The following TNS2 variants were observed in gnomAD, a reference collection of about 807,000 sequenced individuals.
TNS2 encodes the protein tensin-2.
A neutral mutation model predicts 155.7 loss-of-function variants in TNS2; 77 were observed. That is an observed-to-expected ratio of 0.49 (90% CI 0.41 to 0.60). TNS2 has a LOEUF of 0.60. Among genes scored for constraint, TNS2 ranks in the 20% least tolerant of loss-of-function variants. The pLI is 0.00. For missense variants in TNS2, 1,703 were observed against 1,868.8 expected (o/e 0.91, Z 1.64); for synonymous variants, 726 against 763.9 (o/e 0.95, Z 0.82).
rs748675062 is a variant in TNS2, at chr12:53,061,858, C to A, written c.3492C>A (p.Ile1164=). 1 of 1,613,704 alleles carries A rather than the reference C, an allele frequency of 6.2e-7. No individual in the cohort carries two copies. The highest frequency in any genetic ancestry group is 1.3e-5 in the African/African-American group (1 of 74,956). ...ACAAGGACCCTGGGGCCTTCCTGAT[C>A]AGGGACAGTCATTCATTCCAAGGAG... ...LKDKDPGAFL[I]RDSHSFQGAY... Residue 1164 remains isoleucine (I), a synonymous_variant, in exon 22 of 29, where the codon ATC becomes ATA. Coordinates refer to ENST00000314250, the MANE Select transcript of TNS2 (RefSeq NM_170754.4).
Position 53,050,254 on chromosome 12 carries a change from A to C in TNS2, c.69A>C (p.Ala23=). ...ALGRRDSSRA[A]SRPRKAEPHS... is the part of the protein sequence containing the mutation. The stretch of plus-strand genomic sequence containing the variant: ...GGAGGAGGGACAGCAGCCGGGCCGC[A>C]AGCAGGGTAGGAGTGCCCACCAGCT... Residue 23 remains alanine (A), a synonymous_variant, in exon 1 of 29, where the codon GCA becomes GCC. Transcript: ENST00000314250. This position sits in a 1 kb window ranked among gnomAD's most constrained non-coding sequence, Gnocchi z 4.7. 1.2e-6 allele frequency: 2 copies of C among 1,607,210 alleles called. No individual in the cohort carries two copies. The highest frequency in any genetic ancestry group is 1.7e-6 in the Non-Finnish European group (2 of 1,177,804).
intron 16 of TNS2, 35 bp from the exon 17 acceptor site, chr12:53,058,679 C>G (rs756668911): frequency 2.5e-6 from 4 of 1,613,892 alleles, no homozygotes; most frequent in African/African-American, 2.7e-5. Flanking sequence ...GGCCGCCTCT[C>G]CCCTGCTCCC....
Position 53,051,948 on chromosome 12 carries a change from G to A in TNS2, c.169G>A (p.Gly57Ser), listed in dbSNP as rs1466809593. ...AVCKVTIDGT[G>S]VSCRVCKVAT... Reference sequence around the variant, plus strand: ...ATGTAAGGTGACCATCGATGGGACAGGCGTTTCGTGCAGAGGTGAGGCTCT... The same window carrying A: ...ATGTAAGGTGACCATCGATGGGACAAGCGTTTCGTGCAGAGGTGAGGCTCT... The change falls in exon 2 of 29, where the codon GGC (glycine) becomes AGC (serine). Residue 57 changes from glycine (G) to serine (S), a missense_variant. Coordinates refer to ENST00000314250, the MANE Select transcript of TNS2 (RefSeq NM_170754.4). 1 of 1,613,292 alleles carries A rather than the reference G, an allele frequency of 6.2e-7. No homozygotes were observed. Among genetic ancestry groups the A allele is most frequent in the Non-Finnish European group, 8.5e-7 (1 of 1,179,638 alleles).
Position 53,060,078 on chromosome 12 carries a change from G to T in TNS2, c.2437G>T (p.Gly813Ter). The change falls in exon 18 of 29, where the codon GGA (glycine) becomes TGA (stop). Residue 813 changes from glycine (G) to a stop codon, truncating the protein, a stop_gained. Transcript: ENST00000314250. LOFTEE classifies it high-confidence loss of function. The surrounding 1 kb of genome is among the most constrained non-coding windows in gnomAD (Gnocchi z 6.1). ...TGTGCCTCATAGCTGTGGCTCTCCA[G>T]GAGAGGGCAGAGGGTATCCCAGCCC... ...GRVPHSCGSP[G>*]EGRGYPSPGA... is the part of the protein sequence containing the mutation. 1.2e-6 allele frequency: 2 copies of T among 1,612,752 alleles called. No individual in the cohort carries two copies. Among genetic ancestry groups the T allele is most frequent in the Non-Finnish European group, 1.7e-6 (2 of 1,179,470 alleles).
rs1474527920 is a variant in TNS2 at position 53,054,270 on chromosome 12, G to A, written c.351G>A (p.Arg117=). Reference sequence around the variant, plus strand: ...TCATGCGTAGGCTCCTCCTCCCCAGGAGCTTCAGCCTGGACCCGCTCATGG... The same window carrying A: ...TCATGCGTAGGCTCCTCCTCCCCAGAAGCTTCAGCCTGGACCCGCTCATGG... The part of the protein sequence containing the change: ...NHSKQRSTLP[R]SFSLDPLMER... The change falls in exon 7 of 29, where the codon AGG becomes AGA. Residue 117 remains arginine (R), a splice_region_variant and synonymous_variant. Transcript: ENST00000314250. The A allele has an allele frequency of 1.9e-6, 3 of 1,612,662 alleles. No individual in the cohort carries two copies. Among genetic ancestry groups the A allele is most frequent in the South Asian group, 1.1e-5 (1 of 91,056 alleles).
intron 10 of TNS2, 79 bp from the exon 11 acceptor site, chr12:53,056,934 C>T: frequency 7.3e-7 from 1 of 1,362,962 alleles, no homozygotes; most frequent in Non-Finnish European, 1.0e-6. Flanking sequence ...TATTTCTCCT[C>T]CATCCCCTGG....
intron 21 of TNS2, 156 bp downstream of exon 21, chr12:53,061,625 G>A: frequency 1.5e-6 from 2 of 1,339,894 alleles, no homozygotes; most frequent in Non-Finnish European, 1.0e-6. Context: ...TGGGCTTTGG[G>A]CCAAGGCGGT....
At chr12:53,062,012 A>C in intron 22 of TNS2, 72 bp downstream of exon 22, 1 of 1,611,086 alleles carries the variant, frequency 6.2e-7, no homozygotes, top group Non-Finnish European at 8.5e-7. Context: ...GTAACAGGGC[A>C]GGTGGGGGTG....
Position 53,058,776 on chromosome 12 carries a change from C to T in TNS2, c.1354C>T (p.Arg452Cys), listed in dbSNP as rs777708888. Residue 452 changes from arginine to cysteine, a missense_variant, in exon 17 of 29, where the codon CGC becomes TGC. Physicochemically the swap from Arg to Cys is radical, Grantham distance 180. Transcript: ENST00000314250. Reference protein sequence around the residue: ...VDYNTTEPAVRWDSYENFNQH... With the variant: ...VDYNTTEPAVCWDSYENFNQH... Reference sequence around the variant, plus strand: ...CTACAACACCACTGAGCCAGCCGTGCGCTGGGACTCCTATGAGAACTTCAA... The same window carrying T: ...CTACAACACCACTGAGCCAGCCGTGTGCTGGGACTCCTATGAGAACTTCAA... The T allele has an allele frequency of 7.4e-6, 12 of 1,613,932 alleles. No individual in the cohort carries two copies. In the East Asian group the frequency reaches 1.3e-4, roughly 18 times the overall value.
intron 11 of TNS2, 115 bp from the exon 12 acceptor site, chr12:53,057,452 A>AAGGGAAGGAAG (rs1944199212): frequency 8.5e-6 from 7 of 822,916 alleles, no homozygotes; most frequent in Non-Finnish European, 1.4e-5. Context: ...GACCCGGAAG[A>AAGGGAAGGAAG]TGGGAAGGAA....
chr12:53,055,484 C>T (rs1193343103), intron 8 of TNS2, 84 bp from the exon 9 acceptor site: 2 of 1,513,174 alleles, frequency 1.3e-6, no homozygotes, highest in African/African-American at 2.8e-5. Context: ...CCCCCGGACC[C>T]CTATGCCCTG....
chr12:53,050,017 C>T (rs1009703304), upstream of TNS2: 3 of 1,444,576 alleles, frequency 2.1e-6, no homozygotes, highest in African/African-American at 2.9e-5. The surrounding 1 kb of genome is among the most constrained non-coding windows in gnomAD (Gnocchi z 4.7). Context: ...CCCCTTCCCG[C>T]CTGCACTTCC....
chr12:53,053,315 C>T (rs1353206349), intron 3 of TNS2, 96 bp from the exon 4 acceptor site: 19 of 1,444,176 alleles, frequency 1.3e-5, no homozygotes, highest in Middle Eastern at 3.5e-4. Flanking sequence ...ACTGAAGGCC[C>T]CTCCACCTTC....
Position 53,055,796 on chromosome 12 carries a change from C to G in TNS2, c.712C>G (p.Leu238Val). The part of the protein sequence containing the change: ...VLYCKGNKGK[L>V]GVIVSAYMHY... ...TGTCTGTCAGGGAAACAAGGGCAAG[C>G]TTGGGGTCATCGTTTCTGCCTACAT... is the stretch of plus-strand genomic sequence containing the variant. The change falls in exon 10 of 29, where the codon CTT becomes GTT. Residue 238 changes from leucine to valine, a missense_variant. Leu to Val is a conservative substitution (Grantham distance 32, BLOSUM62 1). Transcript: ENST00000314250. 6 of 1,614,208 alleles carry G rather than the reference C, an allele frequency of 3.7e-6. No individual in the cohort carries two copies. Among genetic ancestry groups the G allele is most frequent in the Non-Finnish European group, 5.1e-6 (6 of 1,180,026 alleles).
At position 53,063,637 on chromosome 12, in the gene TNS2, G is replaced by A; in HGVS notation, c.4091+45G>A. 2 of 1,614,160 alleles carry A rather than the reference G, an allele frequency of 1.2e-6. No homozygotes were observed. Among genetic ancestry groups the A allele is most frequent in the African/African-American group, 1.3e-5 (1 of 75,044 alleles). ...CAGCCTCTTCCTTCCAAGGGACCAGGGCGCTGCTGTCCTCTCAATGCTGGC... is the reference window on the plus strand; with the variant it reads ...CAGCCTCTTCCTTCCAAGGGACCAGAGCGCTGCTGTCCTCTCAATGCTGGC... On this transcript the variant is annotated intron_variant, in intron 28 of 28. Transcript: ENST00000314250. This position sits in a 1 kb window ranked among gnomAD's most constrained non-coding sequence, Gnocchi z 5.6.
In TNS2 at chr12:53,051,845, C is replaced by G. The variant is rs377428965; in HGVS notation, c.76-10C>G. On this transcript the variant is annotated splice_polypyrimidine_tract_variant and intron_variant, in intron 1 of 28. Transcript: ENST00000314250. ...GGAACTCACACCTCTGTTTGTCCCTCCACCTTCAGCCTAGGAAAGCTGAGC... is the reference window on the plus strand; with the variant it reads ...GGAACTCACACCTCTGTTTGTCCCTGCACCTTCAGCCTAGGAAAGCTGAGC... 9.9e-6 allele frequency: 16 copies of G among 1,608,582 alleles called. No homozygotes were observed. The highest frequency in any genetic ancestry group is 1.4e-5 in the Non-Finnish European group (16 of 1,176,832).
intron 7 of TNS2, 102 bp from the exon 8 acceptor site, chr12:53,055,084 T>A (rs1944098426): frequency 2.2e-6 from 3 of 1,386,396 alleles, no homozygotes; most frequent in Admixed American, 3.5e-5. Context: ...GCGACCGGCC[T>A]GCACCTTATT....
At position 53,062,333 on chromosome 12, in the gene TNS2, G is replaced by A. The variant is rs764536328; in HGVS notation, c.3668-43G>A. 7 of 1,613,030 alleles carry A rather than the reference G, an allele frequency of 4.3e-6. No individual in the cohort carries two copies. In the African/African-American group the frequency reaches 6.7e-5, roughly 15 times the overall value. ...CAGGAGGATGGAAGGGAAAGGCGGG[G>A]CACCCTGGGCATCTCGGGACTTTCC... On this transcript the variant is annotated intron_variant, in intron 23 of 28. Coordinates refer to ENST00000314250, the MANE Select transcript of TNS2 (RefSeq NM_170754.4).
At position 53,062,415 on chromosome 12, in the gene TNS2, C is replaced by T. The variant is rs1274965550; in HGVS notation, c.3707C>T (p.Pro1236Leu). 6.2e-7 allele frequency: 1 copy of T among 1,613,910 alleles called. No homozygotes were observed. Among genetic ancestry groups the T allele is most frequent in the African/African-American group, 1.3e-5 (1 of 74,890 alleles). ...TTGGTCTCCCAGCACTCCATCTCCC[C>T]CATCTCCCTGCCCTGCTGCCTGCGC... is the stretch of plus-strand genomic sequence containing the variant. ...SALVSQHSIS[P>L]ISLPCCLRIP... is the part of the protein sequence containing the mutation. Residue 1236 changes from proline to leucine, a missense_variant, in exon 24 of 29, where the codon CCC (proline) becomes CTC (leucine). By Grantham distance (98) the Pro-to-Leu change is moderately conservative (BLOSUM62 -3). Transcript: ENST00000314250.
Sources: gnomAD v4.1 joint callset for allele counts on GRCh38, gnomAD v4.1.1 for gene constraint, Gnocchi (gnomAD v3.1) non-coding constraint, MANE v1.5 for transcripts, NCBI Gene and HGNC (gene_info 2026-07-23, HGNC 2026-07-21) for gene names.